The following FGF13 variants were observed in gnomAD, a reference collection of about 807,000 sequenced individuals.
FGF13 encodes fibroblast growth factor homologous factor 2.
Under a neutral mutation model 19.5 loss-of-function variants are expected in FGF13, and 2 were observed. The ratio of observed to expected loss-of-function variants is 0.10; its 90% CI spans 0.04 to 0.32. The LOEUF is 0.32. Ranked by LOEUF, FGF13 falls within the 10% of genes least tolerant of loss-of-function variation. The pLI, the probability that FGF13 is intolerant of heterozygous loss-of-function variation, is 1.00. For synonymous variants in FGF13, 72 were observed against 76.9 expected, an observed-to-expected ratio of 0.94 and a Z score of 0.33; for missense variants, 113 against 192.7, an observed-to-expected ratio of 0.59 and a Z score of 2.45.
At chrX:139,062,075 C>T (rs1051330891) in intron 1 of FGF13, among the ~76,000 whole-genome samples, 4 of 110,967 alleles carry the variant, frequency 3.6e-5, no homozygotes, top group Non-Finnish European at 5.7e-5. Context: ...TTATGTAATT[C>T]CATTTGTCTA....
chrX:139,053,810 T>C (rs1489452508), intron 1 of FGF13, among the ~76,000 whole-genome samples: 2 of 111,968 alleles, frequency 1.8e-5, no homozygotes, highest in East Asian at 5.6e-4. Context: ...TTTGGGTTCT[T>C]GGTCATGAAA....
intron 1 of FGF13, among the ~76,000 whole-genome samples, chrX:138,903,416 A>G (rs867174977): frequency 1.9e-4 from 21 of 111,750 alleles, no homozygotes; most frequent in African/African-American, 6.8e-4. Flanking sequence ...GAGTATTCAA[A>G]GCATCTTATT....
At chrX:138,942,887 T>C (rs931845183) in intron 1 of FGF13, among the ~76,000 whole-genome samples, 2 of 111,484 alleles carry the variant, frequency 1.8e-5, no homozygotes, top group Non-Finnish European at 3.8e-5. Context: ...ATTTAACACA[T>C]AACTTCTCAT....
intron 3 of FGF13, among the ~76,000 whole-genome samples, chrX:138,680,808 T>C (rs1026596928): frequency 2.7e-5 from 3 of 111,187 alleles, no homozygotes; most frequent in African/African-American, 9.8e-5. Context: ...AAGCCAGATA[T>C]TGACTTGTCT....
At chrX:138,743,985 T>C (rs2090338273), upstream of FGF13, among the ~76,000 whole-genome samples, 1 of 111,071 alleles carries the variant, frequency 9.0e-6, no homozygotes, top group Admixed American at 9.6e-5. Flanking sequence ...CTCCTCCTCC[T>C]CCATAAAATG....
chrX:139,119,974 C>G (rs780195502), intron 1 of FGF13, among the ~76,000 whole-genome samples: 5 of 112,023 alleles, frequency 4.5e-5, no homozygotes, highest in African/African-American at 1.6e-4. Context: ...AGGAAGAGAC[C>G]TGGTGGGAGA....
chrX:138,801,114 G>C (rs1245485095), intron 3 of FGF13, among the ~76,000 whole-genome samples: 1 of 111,926 alleles, frequency 8.9e-6, no homozygotes, highest in East Asian at 2.8e-4. Context: ...GTCCAATTTT[G>C]TGCCCTTGCT....
chrX:138,670,250 A>G (rs901327192), intron 3 of FGF13, among the ~76,000 whole-genome samples: 6 of 112,149 alleles, frequency 5.4e-5, no homozygotes, highest in African/African-American at 1.9e-4. Flanking sequence ...GAAATTTACA[A>G]TAATTTAAAA....
chrX:139,054,600 G>A (rs2092314732), intron 1 of FGF13, among the ~76,000 whole-genome samples: 3 of 111,471 alleles, frequency 2.7e-5, no homozygotes, highest in Admixed American at 1.9e-4. Flanking sequence ...TTATTTTCTA[G>A]TTCTGTGAAG....
chrX:138,988,210 T>A (rs1294437662), intron 1 of FGF13, among the ~76,000 whole-genome samples: 1 of 112,313 alleles, frequency 8.9e-6, no homozygotes, highest in African/African-American at 3.2e-5. Flanking sequence ...ACTCCTGCTG[T>A]GAATATCATC....
chrX:138,981,058 T>A (rs1337822787), intron 1 of FGF13, among the ~76,000 whole-genome samples: 1 of 110,932 alleles, frequency 9.0e-6, no homozygotes, highest in African/African-American at 3.3e-5. Context: ...AACTGTCAAG[T>A]TTTGTTTATT....
At chrX:138,889,626 T>G (rs781679427) in intron 1 of FGF13, among the ~76,000 whole-genome samples, 16 of 111,686 alleles carry the variant, frequency 1.4e-4, no homozygotes, top group Non-Finnish European at 2.6e-4. Flanking sequence ...CCTGGCTCTC[T>G]TGAAATGGCC....
At chrX:138,792,898 A>C (rs1272442677) in intron 3 of FGF13, among the ~76,000 whole-genome samples, 1 of 111,676 alleles carries the variant, frequency 9.0e-6, no homozygotes, top group Non-Finnish European at 1.9e-5. Context: ...TAACCTGTGA[A>C]TGTTACCATG....
At chrX:138,866,728 T>C (rs2091326428) in intron 1 of FGF13, among the ~76,000 whole-genome samples, 1 of 111,868 alleles carries the variant, frequency 8.9e-6, no homozygotes, top group Middle Eastern at 4.6e-3. Flanking sequence ...TTGTTAGAAA[T>C]GCAGACTTGC....
At chrX:139,110,230 T>C (rs948190421) in intron 1 of FGF13, among the ~76,000 whole-genome samples, 3 of 110,551 alleles carry the variant, frequency 2.7e-5, no homozygotes, top group African/African-American at 9.8e-5. Context: ...TATATATAAA[T>C]GTATATAAAA....
chrX:138,779,261 T>C (rs2090617609), intron 3 of FGF13, among the ~76,000 whole-genome samples: 1 of 110,864 alleles, frequency 9.0e-6, no homozygotes, highest in Middle Eastern at 4.2e-3. Context: ...AGAGCACCTC[T>C]CCTCCTCCAA....
chrX:138,667,610 G>A, intron 3 of FGF13: 1 of 334,284 alleles, frequency 3.0e-6, no homozygotes, highest in Non-Finnish European at 5.9e-6. Flanking sequence ...AAGAGGATCA[G>A]TTGAATTTTC....
chrX:138,942,518 C>A (rs2091763104), intron 1 of FGF13, among the ~76,000 whole-genome samples: 1 of 111,925 alleles, frequency 8.9e-6, no homozygotes, highest in African/African-American at 3.2e-5. Context: ...GAAATCTGGT[C>A]ATTTGAGCAA....
intron 3 of FGF13, among the ~76,000 whole-genome samples, chrX:138,798,256 G>C (rs2090795403): frequency 9.0e-6 from 1 of 111,327 alleles, no homozygotes; most frequent in Admixed American, 9.5e-5. Context: ...AGTTTTTTTA[G>C]AGTTTTAGCA....
Sources: allele counts gnomAD v4.1 joint callset (sites outside exome capture counted in the v4.1 genomes callset), GRCh38; gene constraint gnomAD v4.1.1; transcripts MANE v1.5; gene names NCBI Gene and HGNC (gene_info 2026-07-23, HGNC 2026-07-21).